UBOX5: variants seen among roughly 807,000 people sequenced by gnomAD.
UBOX5 encodes the protein U-box domain containing 5, also known as RING finger protein 37.
In UBOX5, 28 loss-of-function variants were observed where a neutral mutation model predicts 39.0. The observed-to-expected ratio is 0.72, with a 90% CI of 0.53 to 0.98. The LOEUF (loss-of-function observed/expected upper bound fraction) is 0.98, where lower values mean the gene tolerates loss of function less well. UBOX5 is among the 50% of genes least tolerant of loss of function. The pLI is 0.00. For synonymous variants in UBOX5, 283 were observed against 275.5 expected, an observed-to-expected ratio of 1.03 and a Z score of -0.27; for missense variants, 585 against 674.4, an observed-to-expected ratio of 0.87 and a Z score of 1.47.
intron 1 of UBOX5, chr20:3,147,731 G>T: frequency 6.2e-7 from 1 of 1,614,202 alleles, no homozygotes; most frequent in Non-Finnish European, 8.5e-7. Flanking sequence ...AAATTCTTCT[G>T]CATTGGGTGG....
chr20:3,147,920 C>A lies in UBOX5; in HGVS notation c.-42+11846G>T, dbSNP rs757421432. The A allele has an allele frequency of 5.0e-6, 8 of 1,614,220 alleles. No homozygotes were observed. In the East Asian group the frequency reaches 1.8e-4, roughly 36 times the overall value. On this transcript the variant is annotated intron_variant, in intron 1 of 4. Transcript: ENST00000217173. ...ACCTTGAACTCCCAGGGAAGGAATT[C>A]GCTGAGGAGCTATCTCTCCAATCTG...
At chr20:3,144,834 T>C (rs1224155641) in intron 1 of UBOX5, among the ~76,000 whole-genome samples, 1 of 152,216 alleles carries the variant, frequency 6.6e-6, no homozygotes, top group Non-Finnish European at 1.5e-5. Flanking sequence ...TCTGAGCTAC[T>C]TGCTATGAAA....
At chr20:3,112,548 G>A (rs577726573) in intron 4 of UBOX5, among the ~76,000 whole-genome samples, 1 of 152,264 alleles carries the variant, frequency 6.6e-6, no homozygotes. Flanking sequence ...GGCTTGCTTT[G>A]AAAAGGGTGG....
chr20:3,140,236 G>A (rs926965314), intron 1 of UBOX5, among the ~76,000 whole-genome samples: 22 of 151,822 alleles, frequency 1.4e-4, no homozygotes, highest in African/African-American at 5.1e-4. Flanking sequence ...TGGCTAGGCT[G>A]GTCTCGAACT....
At chr20:3,151,718 T>G (rs1397272645) in intron 1 of UBOX5, 1 of 152,030 alleles carries the variant, frequency 6.6e-6, no homozygotes, top group East Asian at 1.9e-4. Flanking sequence ...TGTTTTTCTT[T>G]AATATTTAGA....
chr20:3,149,171 G>A lies in UBOX5; in HGVS notation c.-42+10595C>T. On this transcript the variant is annotated intron_variant, in intron 1 of 4. Coordinates refer to ENST00000217173, the MANE Select transcript of UBOX5 (RefSeq NM_014948.4). This position sits in a 1 kb window ranked among gnomAD's most constrained non-coding sequence, Gnocchi z 4.1. ...ATGGTGCTTGATTAGAGCTGGACGG[G>A]GAGGTGTTCCACAAAAACTGCCTGG... 7.4e-7 allele frequency: 1 copy of A among 1,347,552 alleles called. No individual in the cohort carries two copies. The highest frequency in any genetic ancestry group is 1.0e-6 in the Non-Finnish European group (1 of 992,124). The allele number at this position is 1,347,552 out of a possible 1,614,324, so 83.5% of individuals were successfully genotyped here.
chr20:3,140,582 G>C (rs989738421), intron 1 of UBOX5, among the ~76,000 whole-genome samples: 1 of 151,968 alleles, frequency 6.6e-6, no homozygotes, highest in African/African-American at 2.4e-5. Context: ...CTTCTCTCCT[G>C]AATTTTCAAC....
chr20:3,116,988 C>G (rs1014571748), intron 3 of UBOX5, among the ~76,000 whole-genome samples: 1 of 151,708 alleles, frequency 6.6e-6, no homozygotes, highest in Admixed American at 6.6e-5. Context: ...CCCAGCTACT[C>G]GGGAAGCTGA....
At chr20:3,159,094 G>A (rs2066719310) in intron 1 of UBOX5, among the ~76,000 whole-genome samples, 1 of 152,146 alleles carries the variant, frequency 6.6e-6, no homozygotes, top group South Asian at 2.1e-4. Flanking sequence ...CAAGACAGAA[G>A]AGCTGTGTCA....
rs561702491 is a variant in UBOX5 at position 3,132,350 on chromosome 20, A to G, written c.-41-8944T>C. ...AAAAACAAAACACAAAGAATTATAC[A>G]GCACAAAGAATGAACCTTAAATTAT... On this transcript the variant is annotated intron_variant, in intron 1 of 4. Coordinates refer to ENST00000217173, the MANE Select transcript of UBOX5 (RefSeq NM_014948.4). Among the ~76,000 whole-genome samples, 411 of 152,262 alleles carry G rather than the reference A, an allele frequency of 2.7e-3. 4 individuals carry two copies. In the South Asian group the frequency reaches 0.029, roughly 11 times the overall value.
chr20:3,152,669 A>G (rs2066643224), intron 1 of UBOX5, among the ~76,000 whole-genome samples: 1 of 152,162 alleles, frequency 6.6e-6, no homozygotes, highest in Non-Finnish European at 1.5e-5. Flanking sequence ...GCACTTCAGG[A>G]GGCCAAGGTG....
chr20:3,121,518 T>C lies in UBOX5; in HGVS notation c.1121A>G (p.Asp374Gly), dbSNP rs2148594210. Residue 374 changes from aspartate to glycine, a missense_variant, in exon 3 of 5, where the codon GAC (aspartate) becomes GGC (glycine). Asp to Gly is a moderately conservative substitution (Grantham distance 94). Transcript: ENST00000217173. ...GGAAGCATTTACACCAAAGTTACTG[T>C]CTGGGACATGTTCAGCCTGCTCTAT... ...RKIEQAEHVP[D>G]SNFGVNASCF... The C allele has an allele frequency of 6.2e-7, 1 of 1,613,870 alleles. No homozygotes were observed. Among genetic ancestry groups the C allele is most frequent in the South Asian group, 1.1e-5 (1 of 91,064 alleles).
chr20:3,122,433 T>A lies in UBOX5; in HGVS notation c.206A>T (p.Asp69Val), dbSNP rs1357280396. Residue 69 changes from aspartate to valine, a missense_variant, in exon 3 of 5, where the codon GAC becomes GTC. Asp to Val is a radical substitution (Grantham distance 152). Transcript: ENST00000217173. ...FNVEICRINIDLTAGGGQNVT... is the reference protein window; with the variant it reads ...FNVEICRINIVLTAGGGQNVT... ...GTTCTGACCTCCCCCAGCTGTGAGG[T>A]CTATGTTGATCCTACAGATTTCCAC... 1 of 1,613,554 alleles carries A rather than the reference T, an allele frequency of 6.2e-7. No individual in the cohort carries two copies. Among genetic ancestry groups the A allele is most frequent in the East Asian group, 2.2e-5 (1 of 44,840 alleles).
chr20:3,118,667 G>C (rs1468615704), intron 3 of UBOX5, among the ~76,000 whole-genome samples: 1 of 152,122 alleles, frequency 6.6e-6, no homozygotes, highest in African/African-American at 2.4e-5. Context: ...AGCTACTCAG[G>C]AGGCTGAGGC....
chr20:3,138,399 C>T (rs957347724), intron 1 of UBOX5, among the ~76,000 whole-genome samples: 1 of 152,008 alleles, frequency 6.6e-6, no homozygotes, highest in Non-Finnish European at 1.5e-5. Context: ...TGTAAACATC[C>T]GACATACTAG....
Position 3,149,093 on chromosome 20 carries a change from T to C in UBOX5, c.-42+10673A>G, listed in dbSNP as rs751590860. 2 of 1,588,608 alleles carry C rather than the reference T, an allele frequency of 1.3e-6. No homozygotes were observed. Among genetic ancestry groups the C allele is most frequent in the Non-Finnish European group, 1.7e-6 (2 of 1,167,288 alleles). ...CATTCTGGTGTCAGTATTGATCTCT[T>C]TGGCAGTCAGAATACAGTCCTCACA... On this transcript the variant is annotated intron_variant, in intron 1 of 4. Transcript: ENST00000217173. The surrounding 1 kb of genome is among the most constrained non-coding windows in gnomAD (Gnocchi z 4.1).
At chr20:3,144,623 T>C (rs1268015298) in intron 1 of UBOX5, among the ~76,000 whole-genome samples, 1 of 152,012 alleles carries the variant, frequency 6.6e-6, no homozygotes, top group African/African-American at 2.4e-5. Flanking sequence ...AAATAATAAA[T>C]TGGGCTTCAA....
At chr20:3,148,815 AG>A in intron 1 of UBOX5, 1 of 1,614,228 alleles carries the variant, frequency 6.2e-7, no homozygotes, top group Non-Finnish European at 8.5e-7. Context: ...CTGGCCTTAG[AG>A]GAAGAAGTCT....
chr20:3,147,114 G>T, intron 1 of UBOX5: 2 of 1,613,760 alleles, frequency 1.2e-6, no homozygotes, highest in Admixed American at 1.7e-5. Flanking sequence ...TCCATGGGCT[G>T]CTGCCCAGGC....
Sources: gnomAD v4.1 joint callset for allele counts (sites outside exome capture counted in the v4.1 genomes callset) on GRCh38, gnomAD v4.1.1 for gene constraint, Gnocchi (gnomAD v3.1) non-coding constraint, MANE v1.5 for transcripts, NCBI Gene and HGNC (gene_info 2026-07-23, HGNC 2026-07-21) for gene names.